LUC7L: variants seen among roughly 807,000 people sequenced by gnomAD.
The protein encoded by LUC7L is putative RNA-binding protein Luc7-like 1.
Under a neutral mutation model 51.1 loss-of-function variants are expected in LUC7L, and 29 were observed. The observed-to-expected ratio is 0.57, with a 90% CI of 0.42 to 0.77. The LOEUF (loss-of-function observed/expected upper bound fraction) is 0.77, where lower values mean the gene tolerates loss of function less well. Among genes scored for constraint, LUC7L ranks in the 30% least tolerant of loss-of-function variants. LUC7L has a pLI of 0.00. For synonymous variants in LUC7L, 181 were observed against 180.7 expected, an observed-to-expected ratio of 1.00 and a Z score of -0.01; for missense variants, 403 against 511.9, an observed-to-expected ratio of 0.79 and a Z score of 2.05.
intron 8 of LUC7L, 103 bp from the exon 9 acceptor site, chr16:190,238 C>G (rs1323471087): frequency 1.4e-5 from 14 of 1,030,032 alleles, no homozygotes; most frequent in Non-Finnish European, 2.0e-5. Context: ...GACATTTTCT[C>G]CTTTACTCCC....
chr16:210,874 A>AC (rs2049618689), intron 3 of LUC7L, among the ~76,000 whole-genome samples: 1 of 151,664 alleles, frequency 6.6e-6, no homozygotes, highest in South Asian at 2.1e-4. Context: ...ACACAGTGAA[A>AC]CCCCGTCTCT....
At chr16:191,430 A>G (rs1008616604) in intron 7 of LUC7L, among the ~76,000 whole-genome samples, 1 of 152,194 alleles carries the variant, frequency 6.6e-6, no homozygotes. Flanking sequence ...CGCAACACAA[A>G]TGGCCTAAAC....
intron 6 of LUC7L, among the ~76,000 whole-genome samples, chr16:198,127 A>C (rs534960249): frequency 2.2e-3 from 337 of 151,536 alleles, no homozygotes; most frequent in African/African-American, 7.6e-3. Flanking sequence ...ACAACAACAA[A>C]AATTAGCCGG....
chr16:202,155 C>T (rs999187636), intron 5 of LUC7L, among the ~76,000 whole-genome samples: 2 of 152,084 alleles, frequency 1.3e-5, no homozygotes, highest in African/African-American at 4.8e-5. Context: ...GTTGAGATTA[C>T]AGGCATGAGC....
intron 1 of LUC7L, chr16:228,172 C>T (rs543312929): frequency 8.0e-7 from 1 of 1,245,418 alleles, no homozygotes; most frequent in Admixed American, 2.7e-5. Flanking sequence ...AGCTGTGCAA[C>T]GCTAGAGGAG....
At chr16:199,500 G>A (rs1297036593) in intron 5 of LUC7L, among the ~76,000 whole-genome samples, 4 of 152,090 alleles carry the variant, frequency 2.6e-5, no homozygotes, top group East Asian at 1.9e-4. Flanking sequence ...GGCCAGGCGC[G>A]GTGGCTCACG....
intron 5 of LUC7L, among the ~76,000 whole-genome samples, chr16:205,297 G>C (rs1204550303): frequency 6.6e-6 from 1 of 152,132 alleles, no homozygotes; most frequent in Admixed American, 6.6e-5. Context: ...CTAAAGCCAA[G>C]AGCCACCATA....
chr16:203,828 A>G (rs1158960854), intron 5 of LUC7L, among the ~76,000 whole-genome samples: 1 of 151,976 alleles, frequency 6.6e-6, no homozygotes, highest in Admixed American at 6.6e-5. Flanking sequence ...CATCCTGGCT[A>G]ACACGGTTAA....
chr16:212,563 T>C (rs1313611950), intron 3 of LUC7L, among the ~76,000 whole-genome samples: 2 of 152,262 alleles, frequency 1.3e-5, no homozygotes, highest in East Asian at 1.9e-4. Context: ...GTCACTCTTA[T>C]ACTGGACAAC....
In LUC7L at chr16:190,000, AC is replaced by A. The variant is rs1315702275; in HGVS notation, c.941del (p.Arg314LeufsTer66). 6.2e-7 allele frequency: 1 copy of A among 1,613,782 alleles called. No homozygotes were observed. Among genetic ancestry groups the A allele is most frequent in the Admixed American group, 1.7e-5 (1 of 60,000 alleles). On this transcript the variant is annotated frameshift_variant, in exon 9 of 10. Coordinates refer to ENST00000293872, the MANE Select transcript of LUC7L (RefSeq NM_201412.3). LOFTEE classifies it high-confidence loss of function. Reference protein sequence around the residue: ...SRSRSHSRGHRRASRDRSAKY... With the variant: ...SRSRSHSRGHXRASRDRSAKY... ...TCGCACTTCGGTCCCGGGAAGCCCG[AC>A]GATGTCCCCGGCTGTGGCTCCGGGA... is the stretch of plus-strand genomic sequence containing the variant.
At chr16:209,372 T>A (rs1381998431) in intron 3 of LUC7L, 1 of 149,550 alleles carries the variant, frequency 6.7e-6, no homozygotes, top group Non-Finnish European at 1.5e-5. Flanking sequence ...CACCTGTAGT[T>A]CCAGCTACTC....
At position 189,276 on chromosome 16, in the gene LUC7L, G is replaced by C. The variant is rs773224045; in HGVS notation, c.1038C>G (p.Pro346=). 6.2e-7 allele frequency: 1 copy of C among 1,613,734 alleles called. No individual in the cohort carries two copies. Among genetic ancestry groups the C allele is most frequent in the African/African-American group, 1.3e-5 (1 of 74,990 alleles). The change falls in exon 10 of 10, where the codon CCC becomes CCG. Residue 346 remains proline (P), a synonymous_variant. Coordinates refer to ENST00000293872, the MANE Select transcript of LUC7L (RefSeq NM_201412.3). ...TGGAGCTCTCAAGCCTCCAGTCCGG[G>C]GGCCCTCGCTCGCTCCGCCCGCTCT... The part of the protein sequence containing the change: ...SWESGRSERG[P]PDWRLESSNG...
chr16:215,797 T>A (rs1241293107), intron 3 of LUC7L, among the ~76,000 whole-genome samples: 1 of 151,840 alleles, frequency 6.6e-6, no homozygotes, highest in Non-Finnish European at 1.5e-5. Context: ...TGAGACACTG[T>A]CTCAAAAAAA....
intron 5 of LUC7L, among the ~76,000 whole-genome samples, chr16:200,636 C>T (rs2142057961): frequency 6.6e-6 from 1 of 151,972 alleles, no homozygotes; most frequent in African/African-American, 2.4e-5. Context: ...AATCTCAGCA[C>T]TTTAGGAGAG....
chr16:223,561 C>T (rs1301630100), intron 2 of LUC7L, among the ~76,000 whole-genome samples: 1 of 152,044 alleles, frequency 6.6e-6, no homozygotes, highest in Non-Finnish European at 1.5e-5. Context: ...ACGTTATGGT[C>T]GGTTACATAG....
chr16:202,957 G>A (rs564273807), intron 5 of LUC7L, among the ~76,000 whole-genome samples: 53 of 152,262 alleles, frequency 3.5e-4, no homozygotes, highest in Middle Eastern at 3.4e-3. Context: ...AGACCAGCCT[G>A]ACCGACATGG....
intron 3 of LUC7L, among the ~76,000 whole-genome samples, chr16:217,444 C>A (rs187668706): frequency 7.9e-5 from 12 of 152,268 alleles, no homozygotes; most frequent in South Asian, 6.2e-4. Context: ...CAGTGGCTCA[C>A]GCCTGTAATC....
chr16:206,674 C>A (rs1449750723), intron 4 of LUC7L, among the ~76,000 whole-genome samples: 1 of 151,930 alleles, frequency 6.6e-6, no homozygotes, highest in Non-Finnish European at 1.5e-5. Flanking sequence ...ATAAATCTAC[C>A]TCCTTTTCAT....
chr16:189,487 C>T lies in LUC7L; in HGVS notation c.975-148G>A, dbSNP rs2048951470. The T allele has an allele frequency of 2.8e-6, 4 of 1,425,474 alleles. No individual in the cohort carries two copies. In the East Asian group the frequency reaches 1.0e-4, roughly 36 times the overall value. The allele number at this position is 1,425,474 out of a possible 1,614,324, so 88.3% of individuals were successfully genotyped here. The stretch of plus-strand genomic sequence containing the variant: ...CCCCCCGGAGGCCAACCAGACTTGC[C>T]CACCACATATGGAGTGTTAGATAGC... On this transcript the variant is annotated intron_variant, in intron 9 of 9. Transcript: ENST00000293872.
Sources: allele counts gnomAD v4.1 joint callset (sites outside exome capture counted in the v4.1 genomes callset), GRCh38; gene constraint gnomAD v4.1.1; transcripts MANE v1.5; gene names NCBI Gene and HGNC (gene_info 2026-07-23, HGNC 2026-07-21).